Variants in NBDY observed in about 807,000 individuals in gnomAD.
NBDY encodes negative regulator of P-body association, also known as P-body dissociating protein.
intron 2 of NBDY, among the ~76,000 whole-genome samples, chrX:56,781,023 A>G (rs933985668): frequency 2.7e-5 from 3 of 110,925 alleles, no homozygotes; most frequent in African/African-American, 3.3e-5. Flanking sequence ...AGTGTATACC[A>G]TCCACCTCGG....
chrX:56,765,197 C>T (rs2069659454), intron 2 of NBDY, among the ~76,000 whole-genome samples: 1 of 112,172 alleles, frequency 8.9e-6, no homozygotes, highest in Non-Finnish European at 1.9e-5. Context: ...CTCTAGCTGA[C>T]CCCTGCGAGG....
At chrX:56,766,987 T>C (rs1481710929) in intron 2 of NBDY, among the ~76,000 whole-genome samples, 1 of 112,721 alleles carries the variant, frequency 8.9e-6, no homozygotes, top group Non-Finnish European at 1.9e-5. Context: ...GAGCTGTCTA[T>C]CCGTTCTTCG....
chrX:56,803,271 G>A (rs1388038419), intron 2 of NBDY, among the ~76,000 whole-genome samples: 1 of 111,813 alleles, frequency 8.9e-6, no homozygotes, highest in Non-Finnish European at 1.9e-5. Context: ...GGGTTCCCCT[G>A]GCCATCTCCA....
At chrX:56,815,277 C>T (rs552967530) in intron 2 of NBDY, among the ~76,000 whole-genome samples, 24 of 111,665 alleles carry the variant, frequency 2.1e-4, no homozygotes, top group African/African-American at 5.8e-4. Context: ...ATGATTCATA[C>T]GCAATGACCC....
chrX:56,755,841 C>T (rs1174229268), intron 2 of NBDY, among the ~76,000 whole-genome samples: 60 of 107,217 alleles, frequency 5.6e-4, no homozygotes, highest in Non-Finnish European at 8.9e-4. Flanking sequence ...CACATGCACA[C>T]GTATGTTTAT....
intron 1 of NBDY, among the ~76,000 whole-genome samples, chrX:56,731,136 G>T (rs1055609146): frequency 9.1e-6 from 1 of 110,332 alleles, no homozygotes; most frequent in African/African-American, 3.3e-5. Flanking sequence ...AAAAAAAATA[G>T]AAATCTATTT....
intron 2 of NBDY, among the ~76,000 whole-genome samples, chrX:56,808,427 A>G (rs1046435536): frequency 1.8e-5 from 2 of 111,907 alleles, no homozygotes; most frequent in Non-Finnish European, 3.8e-5. Context: ...TTGCTCCCTC[A>G]ATTTCAGAGC....
chrX:56,733,399 A>G (rs748328010), intron 2 of NBDY, among the ~76,000 whole-genome samples: 1 of 111,512 alleles, frequency 9.0e-6, no homozygotes, highest in East Asian at 2.8e-4. Flanking sequence ...ATAAAAGGAA[A>G]TATGGTCATA....
intron 1 of NBDY, among the ~76,000 whole-genome samples, chrX:56,731,463 C>T: frequency 9.3e-6 from 1 of 107,818 alleles, no homozygotes. Context: ...CCCAGCTACT[C>T]GGGACGCTGA....
At chrX:56,784,845 C>T (rs1602661311) in intron 2 of NBDY, among the ~76,000 whole-genome samples, 3 of 112,302 alleles carry the variant, frequency 2.7e-5, no homozygotes, top group African/African-American at 9.7e-5. Flanking sequence ...GGCCATCATA[C>T]AGCCCGCTTC....
chrX:56,764,082 A>G (rs969100588), intron 2 of NBDY, among the ~76,000 whole-genome samples: 3 of 112,243 alleles, frequency 2.7e-5, no homozygotes, highest in Non-Finnish European at 5.6e-5. Flanking sequence ...GCCTGTGCTC[A>G]TTCCCAGGAT....
At chrX:56,767,476 G>C (rs1405086725) in intron 2 of NBDY, among the ~76,000 whole-genome samples, 1 of 113,209 alleles carries the variant, frequency 8.8e-6, no homozygotes, top group East Asian at 2.8e-4. Flanking sequence ...CCCTCAGCTT[G>C]CGGGGAGGTG....
chrX:56,797,133 TTCC>T (rs941186325), intron 2 of NBDY, among the ~76,000 whole-genome samples: 8 of 107,724 alleles, frequency 7.4e-5, no homozygotes, highest in South Asian at 4.4e-4. Flanking sequence ...CTTCTTCTTC[TTCC>T]TCTTCTTCCC....
chrX:56,791,987 A>AT (rs570014638), intron 2 of NBDY, among the ~76,000 whole-genome samples: 103 of 72,860 alleles, frequency 1.4e-3, no homozygotes, highest in African/African-American at 4.7e-3. Flanking sequence ...TTTCTTTTTA[A>AT]TTTTTTTTTC....
At chrX:56,751,918 A>G (rs5960790) in intron 2 of NBDY, among the ~76,000 whole-genome samples, 22,636 of 111,384 alleles carry the variant, frequency 0.2, 2,278 homozygotes, top group Non-Finnish European at 0.3. Flanking sequence ...TATGTGTTCA[A>G]TGTTTAGATC....
chrX:56,766,376 C>A (rs1294726951), intron 2 of NBDY, among the ~76,000 whole-genome samples: 1 of 111,607 alleles, frequency 9.0e-6, no homozygotes, highest in African/African-American at 3.3e-5. Context: ...CACATGCAGG[C>A]ACTTACAAGA....
At chrX:56,802,151 T>C (rs1055463990) in intron 2 of NBDY, among the ~76,000 whole-genome samples, 1 of 111,845 alleles carries the variant, frequency 8.9e-6, no homozygotes, top group Non-Finnish European at 1.9e-5. Context: ...GGCAATGGGC[T>C]ATGGGTGAGG....
intron 2 of NBDY, among the ~76,000 whole-genome samples, chrX:56,813,095 A>G (rs899734902): frequency 9.0e-5 from 10 of 111,120 alleles, no homozygotes; most frequent in Admixed American, 5.8e-4. Flanking sequence ...GTGAATGATG[A>G]GTTAATGGGT....
intron 2 of NBDY, among the ~76,000 whole-genome samples, chrX:56,800,540 C>A (rs1472407963): frequency 9.0e-6 from 1 of 111,509 alleles, no homozygotes; most frequent in Non-Finnish European, 1.9e-5. Context: ...GGGTCTGATG[C>A]TTTTCTCTGG....
Sources: gnomAD v4.1 joint callset for allele counts (sites outside exome capture counted in the v4.1 genomes callset) on GRCh38, gnomAD v4.1.1 for gene constraint, MANE v1.5 for transcripts, NCBI Gene and HGNC (gene_info 2026-07-23, HGNC 2026-07-21) for gene names.